Variants in ARHGAP44 observed in about 807,000 individuals in gnomAD.
ARHGAP44 encodes rho GTPase-activating protein 44.
ARHGAP44 carries 43 observed loss-of-function variants against 106.8 expected under a neutral mutation model. The ratio of observed to expected loss-of-function variants is 0.40; its 90% confidence interval spans 0.32 to 0.52. The LOEUF (loss-of-function observed/expected upper bound fraction) is 0.52, where lower values mean the gene tolerates loss of function less well. ARHGAP44 is among the 20% of genes least tolerant of loss of function. The pLI is 0.48. For synonymous variants in ARHGAP44, 439 were observed against 410.3 expected (o/e 1.07, Z -0.85); for missense variants, 866 against 1,050.5 (o/e 0.82, Z 2.43).
chr17:12,867,651 G>T (rs1175229266), intron 1 of ARHGAP44, among the ~76,000 whole-genome samples: 2 of 152,188 alleles, frequency 1.3e-5, no homozygotes, highest in Non-Finnish European at 2.9e-5. Flanking sequence ...GACTTTGGGA[G>T]TCATGGAATC....
At chr17:12,791,043 G>C (rs553852315) in intron 1 of ARHGAP44, among the ~76,000 whole-genome samples, 1 of 152,140 alleles carries the variant, frequency 6.6e-6, no homozygotes, top group Non-Finnish European at 1.5e-5. Flanking sequence ...TAGGATGGGG[G>C]TGGGGACATC....
In ARHGAP44 at chr17:12,991,210, T is replaced by C. The variant is rs974322896; in HGVS notation, c.*1039T>C. 1 of 152,570 alleles carries C rather than the reference T, an allele frequency of 6.6e-6. No individual in the cohort carries two copies. The highest frequency in any genetic ancestry group is 1.5e-5 in the Non-Finnish European group (1 of 68,044). The allele number at this position is 152,570 out of a possible 1,614,324, so 9.5% of individuals were successfully genotyped here. The stretch of plus-strand genomic sequence containing the variant: ...GGACGAGGGCCGGGAGGGCACCGGG[T>C]AGCCTTTTCACACTTGGGGATTAGG... On this transcript the variant is annotated 3_prime_UTR_variant, in exon 21 of 21. Coordinates refer to ENST00000379672, the MANE Select transcript of ARHGAP44 (RefSeq NM_014859.6).
chr17:12,877,706 C>T (rs1013425128), intron 1 of ARHGAP44, among the ~76,000 whole-genome samples: 1 of 151,652 alleles, frequency 6.6e-6, no homozygotes, highest in African/African-American at 2.4e-5. Context: ...GCCGAGATCG[C>T]GCCACTGCAC....
Position 12,894,308 on chromosome 17 carries a change from GGAGAGAGAGA to G in ARHGAP44, c.54-622_54-613del, listed in dbSNP as rs57153916. Among the ~76,000 whole-genome samples the G allele has an allele frequency of 2.0e-5, 3 of 148,014 alleles. No individual in the cohort carries two copies. The East Asian group carries it at 6.1e-4, about 30-fold the overall frequency. On this transcript the variant is annotated intron_variant, in intron 1 of 20. Transcript: ENST00000379672. ...TAAAGAGAGAGTGAGAAAGAGAGGG[GGAGAGAGAGA>G]GAGAGAGAGCGTTAAATCAGAATGC...
chr17:12,970,391 AAAAG>A (rs748675641), intron 16 of ARHGAP44, among the ~76,000 whole-genome samples: 569 of 151,116 alleles, frequency 3.8e-3, no homozygotes, highest in Non-Finnish European at 6.4e-3. Flanking sequence ...AAAAAAAAGA[AAAAG>A]AAGAGAAGAG....
At chr17:12,856,504 G>C (rs1411400616) in intron 1 of ARHGAP44, among the ~76,000 whole-genome samples, 1 of 152,144 alleles carries the variant, frequency 6.6e-6, no homozygotes, top group Non-Finnish European at 1.5e-5. Context: ...GTTGGCCCTA[G>C]GCAATTGTGA....
At chr17:12,939,458 T>C (rs1177989603) in intron 7 of ARHGAP44, among the ~76,000 whole-genome samples, 1 of 152,080 alleles carries the variant, frequency 6.6e-6, no homozygotes, top group Non-Finnish European at 1.5e-5. Flanking sequence ...TGTTAACTTC[T>C]TTATTTTTTA....
At position 12,944,131 on chromosome 17, in the gene ARHGAP44, C is replaced by G. The variant is rs762885019; in HGVS notation, c.796C>G (p.Arg266Gly). The stretch of plus-strand genomic sequence containing the variant: ...GGAGGAGCACCTCACCATCAGCGGC[C>G]GGGAGATCGCCTTCCCCATCGAGGC... ...PLEEHLTISG[R>G]EIAFPIEACV... The change falls in exon 10 of 21, where the codon CGG becomes GGG. Residue 266 changes from arginine (R) to glycine (G), a missense_variant. By Grantham distance (125) the Arg-to-Gly change is moderately radical. Around this residue, in one of 2 missense-constraint regions of ARHGAP44, gnomAD observed 448 missense variants for 646.9 expected, o/e 0.69. Coordinates refer to ENST00000379672, the MANE Select transcript of ARHGAP44 (RefSeq NM_014859.6). 1 of 1,612,814 alleles carries G rather than the reference C, an allele frequency of 6.2e-7. No homozygotes were observed. The highest frequency in any genetic ancestry group is 1.1e-5 in the South Asian group (1 of 91,046).
At chr17:12,931,287 G>C (rs1413886709) in intron 7 of ARHGAP44, among the ~76,000 whole-genome samples, 2 of 151,970 alleles carry the variant, frequency 1.3e-5, no homozygotes, top group Non-Finnish European at 2.9e-5. Context: ...GGCCAGGCTG[G>C]TCACAAACTC....
In ARHGAP44 at chr17:12,990,516, G is replaced by A. The variant is rs1053728295; in HGVS notation, c.*345G>A. ...GTCCTTTGCAGGGTCGGGGTGGTGC[G>A]GGAGAGGCTCACTTTGCCTGGTTAG... is the stretch of plus-strand genomic sequence containing the variant. On this transcript the variant is annotated 3_prime_UTR_variant, in exon 21 of 21. Coordinates refer to ENST00000379672, the MANE Select transcript of ARHGAP44 (RefSeq NM_014859.6). The A allele has an allele frequency of 3.6e-5, 8 of 220,222 alleles. No individual in the cohort carries two copies. Among genetic ancestry groups the A allele is most frequent in the African/African-American group, 1.8e-4 (8 of 45,426 alleles). 13.6% of individuals were successfully genotyped at this position (220,222 alleles called of 1,614,324 possible). A position where few individuals can be genotyped will look rare whatever the true frequency, so the allele number is the denominator to read the frequency against.
intron 1 of ARHGAP44, among the ~76,000 whole-genome samples, chr17:12,834,533 T>C (rs1279584944): frequency 2.0e-5 from 3 of 152,102 alleles, no homozygotes; most frequent in Non-Finnish European, 1.5e-5. Context: ...CAAAAATAAA[T>C]AAACAAAAAT....
intron 7 of ARHGAP44, among the ~76,000 whole-genome samples, chr17:12,938,183 A>T (rs1432088439): frequency 6.6e-6 from 1 of 152,226 alleles, no homozygotes; most frequent in African/African-American, 2.4e-5. Flanking sequence ...AATCTTTGAC[A>T]ATATAATGAC....
intron 1 of ARHGAP44, among the ~76,000 whole-genome samples, chr17:12,795,766 G>GGGAGAGTC (rs1004475973): frequency 8.6e-5 from 13 of 152,000 alleles, no homozygotes; most frequent in African/African-American, 2.9e-4. Context: ...GGAGGTTGGG[G>GGGAGAGTC]GGAGAGTCAG....
At chr17:12,862,302 G>T (rs1300230638) in intron 1 of ARHGAP44, among the ~76,000 whole-genome samples, 1 of 152,146 alleles carries the variant, frequency 6.6e-6, no homozygotes, top group Non-Finnish European at 1.5e-5. Context: ...CCATGTCTCA[G>T]TGTTGTCCTT....
intron 4 of ARHGAP44, among the ~76,000 whole-genome samples, 190 bp from the exon 5 acceptor site, chr17:12,915,710 G>A (rs2037889968): frequency 1.3e-5 from 2 of 152,134 alleles, no homozygotes; most frequent in East Asian, 3.9e-4. Context: ...GGCACCTTTT[G>A]GAAGAATTGA....
intron 1 of ARHGAP44, among the ~76,000 whole-genome samples, chr17:12,792,391 T>C (rs1350872743): frequency 1.3e-5 from 2 of 152,200 alleles, no homozygotes; most frequent in African/African-American, 4.8e-5. Flanking sequence ...TGTATGCCTG[T>C]GTAGATAGTG....
intron 4 of ARHGAP44, among the ~76,000 whole-genome samples, chr17:12,912,150 A>G (rs1466342669): frequency 6.6e-6 from 1 of 152,182 alleles, no homozygotes; most frequent in African/African-American, 2.4e-5. Context: ...AGGGGAGGAA[A>G]AAAGGTTAGG....
chr17:12,828,926 A>G (rs2035007591), intron 1 of ARHGAP44, among the ~76,000 whole-genome samples: 1 of 151,650 alleles, frequency 6.6e-6, no homozygotes, highest in Non-Finnish European at 1.5e-5. Flanking sequence ...CAGGGATTAC[A>G]GGCATGAGCC....
intron 1 of ARHGAP44, among the ~76,000 whole-genome samples, chr17:12,892,321 CT>C (rs912841484): frequency 3.3e-5 from 5 of 151,536 alleles, no homozygotes; most frequent in African/African-American, 9.8e-5. Flanking sequence ...ATTCTAATTG[CT>C]TTTCCCCCAT....
Sources: allele counts gnomAD v4.1 joint callset (sites outside exome capture counted in the v4.1 genomes callset), GRCh38; gene constraint gnomAD v4.1.1; regional missense constraint gnomAD v4.1.1; transcripts MANE v1.5; gene names NCBI Gene and HGNC (gene_info 2026-07-23, HGNC 2026-07-21).